ZNF469: variants seen among roughly 807,000 people sequenced by gnomAD.
The protein encoded by ZNF469 is zinc finger protein 469.
In ZNF469, 1 loss-of-function variant was observed where a neutral mutation model predicts 1.0. That is an observed-to-expected ratio of 1.00 (90% confidence interval 0.35 to 4.73). The LOEUF (loss-of-function observed/expected upper bound fraction) is 4.73, where lower values mean the gene tolerates loss of function less well. ZNF469 is among the 30% of genes most tolerant of loss of function. The pLI is 0.16. For missense variants in ZNF469, 6,100 were observed against 5,356.3 expected, an observed-to-expected ratio of 1.14 and a Z score of -4.33; for synonymous variants, 2,703 against 2,363.4, an observed-to-expected ratio of 1.14 and a Z score of -4.17.
At chr16:88,222,706 G>A in the ZNF469 span, among the ~76,000 whole-genome samples, 44,190 of 151,686 alleles carry the variant, frequency 0.29, 7,337 homozygotes, top group Non-Finnish European at 0.35. Flanking sequence ...GTGGTGAGCC[G>A]AGATCATGCC....
chr16:88,381,148 ACTCACACACAGACACGCC>A (rs2092523076), upstream of ZNF469, among the ~76,000 whole-genome samples: 2 of 142,436 alleles, frequency 1.4e-5, no homozygotes, highest in South Asian at 2.4e-4. Context: ...TCACACACAC[ACTCACACACAGACACGCC>A]CTCACACACA....
chr16:88,283,034 G>T, the ZNF469 span, among the ~76,000 whole-genome samples: 1 of 152,330 alleles, frequency 6.6e-6, no homozygotes, highest in South Asian at 2.1e-4. Context: ...AGGTCAAGAA[G>T]TTGGCAAACC....
chr16:88,276,180 C>A, the ZNF469 span, among the ~76,000 whole-genome samples: 6 of 152,172 alleles, frequency 3.9e-5, no homozygotes, highest in Non-Finnish European at 8.8e-5. Flanking sequence ...GAGGCCCCTG[C>A]ACAGGAGTCA....
At chr16:88,354,591 A>T in the ZNF469 span, among the ~76,000 whole-genome samples, 13 of 150,730 alleles carry the variant, frequency 8.6e-5, no homozygotes, top group Non-Finnish European at 1.8e-4. Flanking sequence ...TTAAGGATGA[A>T]ATAAGAGGGT....
the ZNF469 span, among the ~76,000 whole-genome samples, chr16:88,255,064 G>T: frequency 1.3e-5 from 2 of 152,124 alleles, no homozygotes; most frequent in Non-Finnish European, 2.9e-5. Flanking sequence ...GTCATACATA[G>T]ACATGTACGA....
At chr16:88,262,149 G>A in the ZNF469 span, among the ~76,000 whole-genome samples, 1 of 152,194 alleles carries the variant, frequency 6.6e-6, no homozygotes, top group African/African-American at 2.4e-5. The surrounding 1 kb of genome is among the most constrained non-coding windows in gnomAD (Gnocchi z 4.3). Context: ...TCTCCACTCA[G>A]CATTAGTGAA....
intron 1 of ZNF469, among the ~76,000 whole-genome samples, chr16:88,409,872 G>C (rs1905100744): frequency 6.7e-6 from 1 of 148,764 alleles, no homozygotes; most frequent in African/African-American, 2.5e-5. Flanking sequence ...TGGCCGGGGG[G>C]GGGGGGGGGG....
chr16:88,155,283 C>T, the ZNF469 span, among the ~76,000 whole-genome samples: 7 of 152,386 alleles, frequency 4.6e-5, no homozygotes, highest in African/African-American at 1.2e-4. Context: ...CCCTGCTGAA[C>T]CTCCACTGTT....
chr16:88,374,002 A>AT, the ZNF469 span, among the ~76,000 whole-genome samples: 4 of 148,178 alleles, frequency 2.7e-5, no homozygotes, highest in Non-Finnish European at 6.0e-5. Context: ...TTTGTCTAAA[A>AT]TTAAAAAAAA....
At chr16:88,131,888 A>C in the ZNF469 span, among the ~76,000 whole-genome samples, 1 of 151,740 alleles carries the variant, frequency 6.6e-6, no homozygotes, top group African/African-American at 2.4e-5. Context: ...TGGGGCGCCC[A>C]CCTGCCCGCG....
At chr16:88,376,358 G>A in the ZNF469 span, among the ~76,000 whole-genome samples, 13 of 152,236 alleles carry the variant, frequency 8.5e-5, no homozygotes, top group Non-Finnish European at 1.8e-4. Context: ...TCACACAGCC[G>A]GGCCCGGTGT....
At chr16:88,125,229 A>G in the ZNF469 span, among the ~76,000 whole-genome samples, 22 of 152,354 alleles carry the variant, frequency 1.4e-4, no homozygotes, top group African/African-American at 4.6e-4. Context: ...CTACACATCT[A>G]TCTTTACACT....
chr16:88,416,962 T>A (rs1303674465), intron 1 of ZNF469, among the ~76,000 whole-genome samples: 1 of 152,122 alleles, frequency 6.6e-6, no homozygotes, highest in African/African-American at 2.4e-5. Flanking sequence ...ACCCACACAC[T>A]CAGGGCGTCC....
chr16:88,108,191 A>G, the ZNF469 span, among the ~76,000 whole-genome samples: 1 of 130,690 alleles, frequency 7.7e-6, no homozygotes, highest in African/African-American at 3.2e-5. Context: ...GGAGGTGCAC[A>G]TCTCTGGGGA....
the ZNF469 span, among the ~76,000 whole-genome samples, chr16:88,369,221 C>T: frequency 0.1 from 15,964 of 152,284 alleles, 876 homozygotes; most frequent in Middle Eastern, 0.13. Flanking sequence ...TCGCCATTCC[C>T]CCACCCCACG....
At chr16:88,165,327 G>A in the ZNF469 span, among the ~76,000 whole-genome samples, 7 of 152,224 alleles carry the variant, frequency 4.6e-5, no homozygotes, top group Admixed American at 1.3e-4. Context: ...CTTCTCTGGC[G>A]CCTCCCAGTC....
At chr16:88,396,634 CCTG>C (rs1904676135) in intron 1 of ZNF469, among the ~76,000 whole-genome samples, 2 of 135,280 alleles carry the variant, frequency 1.5e-5, no homozygotes, top group Non-Finnish European at 3.3e-5. Context: ...AGGAGACCCT[CCTG>C]AAGGGAGGCC....
intron 1 of ZNF469, among the ~76,000 whole-genome samples, chr16:88,411,257 A>G (rs547500132): frequency 2.0e-5 from 3 of 152,258 alleles, no homozygotes; most frequent in Admixed American, 6.5e-5. Context: ...ACAGACAATG[A>G]CACAGAGACG....
chr16:88,162,454 A>G, the ZNF469 span, among the ~76,000 whole-genome samples: 816 of 152,168 alleles, frequency 5.4e-3, 10 homozygotes, highest in African/African-American at 0.019. Flanking sequence ...TGTACCAAGA[A>G]TAATTATTCT....
Sources: gnomAD v4.1 joint callset for allele counts (sites outside exome capture counted in the v4.1 genomes callset) on GRCh38, gnomAD v4.1.1 for gene constraint, Gnocchi (gnomAD v3.1) non-coding constraint, MANE v1.5 for transcripts, NCBI Gene and HGNC (gene_info 2026-07-23, HGNC 2026-07-21) for gene names.